Variants in ABHD12 observed in about 807,000 individuals in gnomAD.
ABHD12 encodes the protein lysophosphatidylserine lipase ABHD12.
In ABHD12, 43 loss-of-function variants were observed where a neutral mutation model predicts 58.3. That is an observed-to-expected ratio of 0.74 (90% CI 0.58 to 0.95). The LOEUF (loss-of-function observed/expected upper bound fraction) is 0.95, where lower values mean the gene tolerates loss of function less well. Ranked by LOEUF, ABHD12 falls within the 40% of genes least tolerant of loss-of-function variation. The pLI, the probability that ABHD12 is intolerant of heterozygous loss-of-function variation, is 0.00. For synonymous variants in ABHD12, 219 were observed against 211.2 expected, an observed-to-expected ratio of 1.04 and a Z score of -0.32; for missense variants, 539 against 537.2, an observed-to-expected ratio of 1.00 and a Z score of -0.03.
chr20:25,360,519 G>A (rs1399719348), intron 1 of ABHD12, among the ~76,000 whole-genome samples: 1 of 152,056 alleles, frequency 6.6e-6, no homozygotes, highest in East Asian at 1.9e-4. Flanking sequence ...GATTACAGGT[G>A]TGAGCCACCA....
rs8120469 is a variant in ABHD12, at chr20:25,368,902, T to C, written c.191+21611A>G. 776 of 406,576 alleles carry C rather than the reference T, an allele frequency of 1.9e-3. 5 individuals carry two copies. Among genetic ancestry groups the C allele is most frequent in the African/African-American group, 0.015 (713 of 48,130 alleles). 25.2% of individuals were successfully genotyped at this position (406,576 alleles called of 1,614,324 possible). A position where few individuals can be genotyped will look rare whatever the true frequency, so the allele number is the denominator to read the frequency against. On this transcript the variant is annotated intron_variant, in intron 1 of 12. Transcript: ENST00000339157. ...AGTGCTTTGGGAGGCTGCGGCAGGA[T>C]TGCTTAATTCATGAGTTTGGGACCA...
chr20:25,383,709 A>C (rs1250743145), intron 1 of ABHD12, among the ~76,000 whole-genome samples: 1 of 152,176 alleles, frequency 6.6e-6, no homozygotes, highest in African/African-American at 2.4e-5. Context: ...TAATCCCAGT[A>C]CTTTGGGAGG....
chr20:25,309,016 G>A (rs2088799156), intron 7 of ABHD12, among the ~76,000 whole-genome samples: 1 of 152,202 alleles, frequency 6.6e-6, no homozygotes, highest in Non-Finnish European at 1.5e-5. Context: ...TGAAGGTCTG[G>A]GGACTGGGGC....
chr20:25,376,980 G>C (rs1196523237), intron 1 of ABHD12, among the ~76,000 whole-genome samples: 1 of 152,168 alleles, frequency 6.6e-6, no homozygotes, highest in Admixed American at 6.5e-5. Context: ...GAGAGAGAGA[G>C]GGCCCCTCAG....
chr20:25,312,888 C>A lies in ABHD12; in HGVS notation c.619+2037G>T, dbSNP rs191952562. On this transcript the variant is annotated intron_variant, in intron 6 of 12. Coordinates refer to ENST00000339157, the MANE Select transcript of ABHD12 (RefSeq NM_001042472.3). ...CGGCAGCCGCCCCGTCTGAGAAGTGCGGAGCCCCTCCGCCCGGCAGCCGCC... is the reference window on the plus strand; with the variant it reads ...CGGCAGCCGCCCCGTCTGAGAAGTGAGGAGCCCCTCCGCCCGGCAGCCGCC... Among the ~76,000 whole-genome samples the A allele has an allele frequency of 8.8e-3, 1,064 of 121,332 alleles. 1 individual carries two copies. Among genetic ancestry groups the A allele is most frequent in the South Asian group, 0.018 (64 of 3,486 alleles). The allele number at this position is 121,332 out of a possible 152,430, so 79.6% of individuals were successfully genotyped here.
rs868017358 is a variant in ABHD12, at chr20:25,362,610, G to T, written c.192-23259C>A. 1.9e-3 allele frequency among the ~76,000 whole-genome samples: 268 copies of T among 144,320 alleles called. 1 individual carries two copies. The highest frequency in any genetic ancestry group is 6.7e-3 in the African/African-American group (264 of 39,652). The allele number at this position is 144,320 out of a possible 152,430, so 94.7% of individuals were successfully genotyped here. A position where few individuals can be genotyped will look rare whatever the true frequency, so the allele number is the denominator to read the frequency against. Reference sequence around the variant, plus strand: ...GGGGAGGACAGGGGAGGGGAGGGGAGGGAAGGACAGGGGAGGGGAGGGGAG... The same window carrying T: ...GGGGAGGACAGGGGAGGGGAGGGGATGGAAGGACAGGGGAGGGGAGGGGAG... On this transcript the variant is annotated intron_variant, in intron 1 of 12. Transcript: ENST00000339157.
chr20:25,325,909 A>G (rs1379212459), intron 2 of ABHD12, among the ~76,000 whole-genome samples: 1 of 151,760 alleles, frequency 6.6e-6, no homozygotes, highest in Non-Finnish European at 1.5e-5. Context: ...CGTCTCTACT[A>G]AAAATATAAA....
intron 1 of ABHD12, among the ~76,000 whole-genome samples, chr20:25,386,241 G>T (rs139943784): frequency 1.3e-5 from 2 of 151,192 alleles, no homozygotes; most frequent in Non-Finnish European, 2.9e-5. Context: ...TCTCACAAAT[G>T]ATGTAAAATT....
chr20:25,387,604 A>AAAAAAAAAAC (rs1239002432), intron 1 of ABHD12, among the ~76,000 whole-genome samples: 2 of 150,592 alleles, frequency 1.3e-5, no homozygotes, highest in African/African-American at 4.9e-5. Context: ...AAAAAAAAAA[A>AAAAAAAAAAC]AAAATTAACC....
chr20:25,368,644 C>G (rs1457595637), intron 1 of ABHD12: 1 of 1,372,724 alleles, frequency 7.3e-7, no homozygotes, highest in Non-Finnish European at 1.0e-6. Flanking sequence ...TCCTTTCTCG[C>G]CAGTGCTCAG....
At chr20:25,350,122 C>G (rs1005454056) in intron 1 of ABHD12, among the ~76,000 whole-genome samples, 1 of 152,124 alleles carries the variant, frequency 6.6e-6, no homozygotes, top group African/African-American at 2.4e-5. Context: ...TTAGGATGAT[C>G]AAGTTTATAC....
At chr20:25,351,037 C>T (rs976943080) in intron 1 of ABHD12, among the ~76,000 whole-genome samples, 1 of 151,676 alleles carries the variant, frequency 6.6e-6, no homozygotes, top group Non-Finnish European at 1.5e-5. Flanking sequence ...TATAAACCTT[C>T]ACCTCTTCTT....
At chr20:25,303,287 C>G in intron 11 of ABHD12, 3 of 1,309,850 alleles carry the variant, frequency 2.3e-6, no homozygotes, top group Non-Finnish European at 2.9e-6. Context: ...TGGGAACTAT[C>G]TGCTTATTTT....
downstream of ABHD12, chr20:25,296,511 C>A (rs752549869): frequency 1.2e-6 from 2 of 1,613,424 alleles, no homozygotes; most frequent in Non-Finnish European, 1.7e-6. Flanking sequence ...CCCCAACATC[C>A]CCCGGGACTA....
At chr20:25,372,763 T>C (rs1274783767) in intron 1 of ABHD12, among the ~76,000 whole-genome samples, 1 of 152,182 alleles carries the variant, frequency 6.6e-6, no homozygotes, top group Admixed American at 6.6e-5. Flanking sequence ...AGCGTCACAG[T>C]GAAAAGCATT....
chr20:25,339,740 T>C, intron 1 of ABHD12: 1 of 1,336,740 alleles, frequency 7.5e-7, no homozygotes, highest in South Asian at 1.2e-5. Context: ...CGATCCGTCT[T>C]CTGTGAGACA....
At chr20:25,365,680 G>A (rs190381348) in intron 1 of ABHD12, among the ~76,000 whole-genome samples, 2 of 152,282 alleles carry the variant, frequency 1.3e-5, no homozygotes, top group African/African-American at 4.8e-5. Context: ...CTAACAAAGT[G>A]GTTGTCAAAG....
chr20:25,300,608 C>CG lies in ABHD12; in HGVS notation c.*236dup, dbSNP rs2088617543. The CG allele has an allele frequency of 6.9e-7, 1 of 1,441,372 alleles. No homozygotes were observed. 89.3% of individuals were successfully genotyped at this position (1,441,372 alleles called of 1,614,324 possible). ...CCCAACAAGATCTCAGGTTGAGGGG[C>CG]GGCAAGGAGAGCCACATGCCTGCCA... On this transcript the variant is annotated 3_prime_UTR_variant, in exon 13 of 13. Transcript: ENST00000339157.
chr20:25,311,498 A>G (rs1402752754), intron 6 of ABHD12, among the ~76,000 whole-genome samples: 1 of 152,240 alleles, frequency 6.6e-6, no homozygotes, highest in African/African-American at 2.4e-5. Context: ...GCTGGTTTAA[A>G]GCACTGTTTG....
Sources: gnomAD v4.1 joint callset for allele counts (sites outside exome capture counted in the v4.1 genomes callset) on GRCh38, gnomAD v4.1.1 for gene constraint, MANE v1.5 for transcripts, NCBI Gene and HGNC (gene_info 2026-07-23, HGNC 2026-07-21) for gene names.